The following NAALADL2 variants were observed in gnomAD, a reference collection of about 807,000 sequenced individuals.
NAALADL2 encodes the protein N-acetylated alpha-linked acidic dipeptidase like 2.
NAALADL2 carries 76 observed loss-of-function variants against 87.2 expected under a neutral mutation model. The ratio of observed to expected loss-of-function variants is 0.87; its 90% CI spans 0.72 to 1.05. The LOEUF is 1.05. NAALADL2 is among the 50% of genes least tolerant of loss of function. The pLI, the probability that NAALADL2 is intolerant of heterozygous loss-of-function variation, is 0.00. For missense variants in NAALADL2, 1,089 were observed against 945.8 expected, an observed-to-expected ratio of 1.15 and a Z score of -1.99; for synonymous variants, 354 against 331.0, an observed-to-expected ratio of 1.07 and a Z score of -0.75.
At chr3:174,621,845 G>A (rs372226898) in intron 2 of NAALADL2, among the ~76,000 whole-genome samples, 3 of 152,228 alleles carry the variant, frequency 2.0e-5, no homozygotes, top group Admixed American at 6.5e-5. Flanking sequence ...GTAAAAAATA[G>A]AAGCTTATTT....
At chr3:175,244,557 T>G (rs1471429646) in intron 3 of NAALADL2, among the ~76,000 whole-genome samples, 1 of 152,190 alleles carries the variant, frequency 6.6e-6, no homozygotes, top group Non-Finnish European at 1.5e-5. Context: ...TTGATAGATT[T>G]TCTGAAATTT....
intron 2 of NAALADL2, among the ~76,000 whole-genome samples, chr3:174,611,899 G>T (rs963662531): frequency 6.6e-6 from 1 of 151,516 alleles, no homozygotes; most frequent in Admixed American, 6.6e-5. Flanking sequence ...CTGAGCAGAT[G>T]ATTTCTTATT....
intron 1 of NAALADL2, among the ~76,000 whole-genome samples, chr3:174,461,139 T>C (rs1194256381): frequency 1.3e-5 from 2 of 152,086 alleles, no homozygotes; most frequent in Admixed American, 6.6e-5. Context: ...CTAAATAGAA[T>C]GTAGGGAATG....
At chr3:175,220,342 T>C (rs955150730) in intron 2 of NAALADL2, among the ~76,000 whole-genome samples, 1 of 150,748 alleles carries the variant, frequency 6.6e-6, no homozygotes, top group Non-Finnish European at 1.5e-5. Context: ...GTTTGGAAAG[T>C]TTTTTTTTCT....
intron 5 of NAALADL2, among the ~76,000 whole-genome samples, chr3:175,371,436 T>A (rs896349600): frequency 1.3e-4 from 20 of 152,104 alleles, no homozygotes; most frequent in African/African-American, 4.1e-4. Context: ...CCCGGCTAAT[T>A]TTTTGGATTT....
At chr3:174,500,191 A>G (rs1718797291) in intron 1 of NAALADL2, among the ~76,000 whole-genome samples, 1 of 152,002 alleles carries the variant, frequency 6.6e-6, no homozygotes, top group South Asian at 2.1e-4. Flanking sequence ...ATTTCAGATG[A>G]CTTTTTTTTC....
At chr3:175,039,703 T>G (rs558396856) in intron 1 of NAALADL2, among the ~76,000 whole-genome samples, 58 of 152,310 alleles carry the variant, frequency 3.8e-4, no homozygotes, top group Non-Finnish European at 7.1e-4. Flanking sequence ...AGAAATAGTT[T>G]GTGGTGCTCT....
At chr3:174,691,661 A>G (rs1261724625) in intron 2 of NAALADL2, among the ~76,000 whole-genome samples, 1 of 152,192 alleles carries the variant, frequency 6.6e-6, no homozygotes, top group African/African-American at 2.4e-5. Context: ...TCTCTGTAAC[A>G]TGCGATGCTG....
intron 1 of NAALADL2, among the ~76,000 whole-genome samples, chr3:174,469,789 ATG>A (rs923102656): frequency 6.6e-6 from 1 of 151,838 alleles, no homozygotes; most frequent in Non-Finnish European, 1.5e-5. Flanking sequence ...AGGTTTGTGT[ATG>A]TGTGTGTGTG....
At chr3:175,705,565 A>AT (rs1359571163) in intron 11 of NAALADL2, among the ~76,000 whole-genome samples, 1 of 152,046 alleles carries the variant, frequency 6.6e-6, no homozygotes, top group African/African-American at 2.4e-5. Context: ...AAAAAAAAAA[A>AT]ACTAACACTG....
At chr3:174,577,385 A>G (rs1347657426) in intron 2 of NAALADL2, among the ~76,000 whole-genome samples, 1 of 152,186 alleles carries the variant, frequency 6.6e-6, no homozygotes, top group African/African-American at 2.4e-5. Flanking sequence ...AAATATAAAT[A>G]AAAGCAAGTA....
chr3:175,768,050 G>T (rs1748974789), intron 13 of NAALADL2, among the ~76,000 whole-genome samples: 1 of 152,084 alleles, frequency 6.6e-6, no homozygotes, highest in South Asian at 2.1e-4. Flanking sequence ...AAAAGAACCG[G>T]GACCTGACTT....
intron 10 of NAALADL2, among the ~76,000 whole-genome samples, chr3:175,587,649 T>G (rs1371958085): frequency 6.6e-6 from 1 of 152,174 alleles, no homozygotes; most frequent in African/African-American, 2.4e-5. Context: ...TTTAATGTTC[T>G]TAGACTCCCG....
chr3:174,688,145 T>C (rs1728219529), intron 2 of NAALADL2, among the ~76,000 whole-genome samples: 1 of 152,184 alleles, frequency 6.6e-6, no homozygotes, highest in African/African-American at 2.4e-5. Flanking sequence ...TATAAGCTGG[T>C]ATTAGCCAGT....
intron 1 of NAALADL2, among the ~76,000 whole-genome samples, chr3:174,943,610 T>G (rs2108480699): frequency 6.6e-6 from 1 of 152,296 alleles, no homozygotes; most frequent in South Asian, 2.1e-4. Flanking sequence ...CCAAGAGTTT[T>G]TGCTTGTCTT....
chr3:175,463,570 T>A (rs1723483036), intron 7 of NAALADL2, 77 bp downstream of exon 7: 2 of 740,882 alleles, frequency 2.7e-6, no homozygotes, highest in Admixed American at 3.0e-5. Flanking sequence ...AATTTAATAT[T>A]ATACTTAAAT....
Position 175,805,367 on chromosome 3 carries a change from C to G in NAALADL2, c.*2164C>G, listed in dbSNP as rs1259170317. 2 of 151,858 alleles carry G rather than the reference C, an allele frequency of 1.3e-5. No homozygotes were observed. The highest frequency in any genetic ancestry group is 3.9e-4 in the East Asian group (2 of 5,182). 9.4% of individuals were successfully genotyped at this position (151,858 alleles called of 1,614,324 possible). ...AAACCTTCTTCTGTATTCCTCACCT[C>G]TAAATTATATGTTATTTGCTATTTG... On this transcript the variant is annotated 3_prime_UTR_variant, in exon 14 of 14. Transcript: ENST00000454872.
At chr3:175,418,762 T>C (rs986259634) in intron 5 of NAALADL2, among the ~76,000 whole-genome samples, 8 of 151,966 alleles carry the variant, frequency 5.3e-5, no homozygotes, top group Non-Finnish European at 1.0e-4. Context: ...GGAGCACATA[T>C]CACAGTAGGC....
intron 11 of NAALADL2, among the ~76,000 whole-genome samples, chr3:175,636,213 T>TGC (rs1003119091): frequency 2.6e-5 from 4 of 151,864 alleles, no homozygotes; most frequent in Non-Finnish European, 4.4e-5. Flanking sequence ...TGTGTGTGTG[T>TGC]GCGTGTGTGT....
Sources: gnomAD v4.1 joint callset for allele counts (sites outside exome capture counted in the v4.1 genomes callset) on GRCh38, gnomAD v4.1.1 for gene constraint, MANE v1.5 for transcripts, NCBI Gene and HGNC (gene_info 2026-07-23, HGNC 2026-07-21) for gene names.